The following PVT1 variants were observed in gnomAD, a reference collection of about 807,000 sequenced individuals.
The protein encoded by PVT1 is Pvt1 oncogene.
intron 3 of PVT1, among the ~76,000 whole-genome samples, chr8:127,953,275 CTGCAACCTCCCTG>C (rs1475136275): frequency 1.3e-5 from 2 of 152,164 alleles, no homozygotes; most frequent in African/African-American, 4.8e-5. Context: ...GATCACCCTA[CTGCAACCTCCCTG>C]TGCAGGAATG....
At chr8:127,912,984 C>T (rs766493441) in intron 3 of PVT1, among the ~76,000 whole-genome samples, 1 of 152,200 alleles carries the variant, frequency 6.6e-6, no homozygotes, top group Non-Finnish European at 1.5e-5. Flanking sequence ...AGGCGTGAGC[C>T]ACGCCCACCC....
chr8:127,997,945 G>T (rs1817126264), intron 4 of PVT1, among the ~76,000 whole-genome samples: 1 of 152,110 alleles, frequency 6.6e-6, no homozygotes, highest in South Asian at 2.1e-4. Context: ...AGTTTTGACT[G>T]GTCAGGTATT....
chr8:128,042,036 C>T lies in PVT1; in HGVS notation n.913-28124C>T, dbSNP rs117074991. Among the ~76,000 whole-genome samples the T allele has an allele frequency of 3.9e-3, 590 of 152,306 alleles. 3 individuals carry two copies. The highest frequency in any genetic ancestry group is 5.0e-3 in the Non-Finnish European group (341 of 68,024). ...TTTCAGTTCCCCTAACCTCCAGTCT[C>T]TTGAAGCCATTTAGCATCTCTTGGT... On this transcript the variant is annotated intron_variant and non_coding_transcript_variant, in intron 4 of 10. Transcript: ENST00000651587.
intron 2 of PVT1, among the ~76,000 whole-genome samples, chr8:127,875,113 G>A (rs1470874103): frequency 6.6e-6 from 1 of 152,156 alleles, no homozygotes; most frequent in African/African-American, 2.4e-5. Flanking sequence ...TATGGTGTTT[G>A]GGGGAGAAAT....
At chr8:127,904,685 G>A (rs1815799322) in intron 3 of PVT1, among the ~76,000 whole-genome samples, 1 of 152,236 alleles carries the variant, frequency 6.6e-6, no homozygotes, top group African/African-American at 2.4e-5. Flanking sequence ...TTTGGCAACT[G>A]TGAGGCAGGC....
At chr8:127,855,978 C>G (rs1815156004) in intron 2 of PVT1, among the ~76,000 whole-genome samples, 1 of 152,150 alleles carries the variant, frequency 6.6e-6, no homozygotes, top group Non-Finnish European at 1.5e-5. Flanking sequence ...CCTGACGTTG[C>G]CATTTATATT....
chr8:127,817,489 G>GTATATATATATATATATATATA (rs1490929524), intron 2 of PVT1, among the ~76,000 whole-genome samples: 1 of 124,024 alleles, frequency 8.1e-6, no homozygotes, highest in African/African-American at 3.4e-5. Context: ...GTGTGTGTGT[G>GTATATATATATATATATATATA]TGTATATACA....
chr8:127,951,151 C>T (rs1373455902), intron 3 of PVT1, among the ~76,000 whole-genome samples: 1 of 152,240 alleles, frequency 6.6e-6, no homozygotes, highest in Non-Finnish European at 1.5e-5. Flanking sequence ...CTGCCTCAGC[C>T]TCCCAAAGTG....
intron 5 of PVT1, among the ~76,000 whole-genome samples, chr8:128,087,356 C>T (rs552121723): frequency 6.6e-6 from 1 of 152,278 alleles, no homozygotes; most frequent in South Asian, 2.1e-4. Context: ...TAATTTTCCA[C>T]TCATTTGTGC....
At chr8:127,955,915 C>T (rs895330491) in intron 3 of PVT1, among the ~76,000 whole-genome samples, 4 of 152,176 alleles carry the variant, frequency 2.6e-5, no homozygotes, top group African/African-American at 9.7e-5. Context: ...AAATAAAAAG[C>T]CAAGCTCCAA....
At chr8:128,087,905 C>T (rs1033078428) in intron 5 of PVT1, among the ~76,000 whole-genome samples, 5 of 151,844 alleles carry the variant, frequency 3.3e-5, no homozygotes, top group Non-Finnish European at 5.9e-5. Context: ...ATTGCAGACA[C>T]GTGCCACCAC....
intron 6 of PVT1, among the ~76,000 whole-genome samples, chr8:128,096,926 C>T (rs1442650790): frequency 1.3e-5 from 2 of 152,194 alleles, no homozygotes; most frequent in Non-Finnish European, 1.5e-5. Context: ...CTCCACCCCA[C>T]CCAGGCCCCC....
At chr8:127,832,625 A>G (rs547704801) in intron 2 of PVT1, among the ~76,000 whole-genome samples, 12 of 152,220 alleles carry the variant, frequency 7.9e-5, no homozygotes, top group South Asian at 6.2e-4. Context: ...TTGGGAGGCC[A>G]AGGCGGGCGG....
chr8:127,944,985 C>A (rs1211428429), intron 3 of PVT1, among the ~76,000 whole-genome samples: 1 of 152,116 alleles, frequency 6.6e-6, no homozygotes, highest in East Asian at 1.9e-4. Flanking sequence ...GTCTGACCCT[C>A]TTTTTTCATA....
intron 2 of PVT1, among the ~76,000 whole-genome samples, chr8:127,831,134 T>C (rs151294473): frequency 1.5e-3 from 175 of 116,026 alleles, no homozygotes; most frequent in African/African-American, 6.4e-3. Flanking sequence ...TCTATATCTA[T>C]ATCTATCTCT....
chr8:128,007,435 A>C (rs930548086), intron 4 of PVT1, among the ~76,000 whole-genome samples: 1 of 152,154 alleles, frequency 6.6e-6, no homozygotes, highest in Non-Finnish European at 1.5e-5. Flanking sequence ...ACTAAAAAAA[A>C]AAAACCTAAA....
chr8:127,800,523 ACTATGTAGTGGTAGTTG>A (rs1447564754), intron 2 of PVT1, among the ~76,000 whole-genome samples: 3 of 152,210 alleles, frequency 2.0e-5, no homozygotes, highest in African/African-American at 7.2e-5. Context: ...CATAGTAGTT[ACTATGTAGTGGTAGTTG>A]CTATGTTTAT....
intron 4 of PVT1, among the ~76,000 whole-genome samples, chr8:128,023,329 T>C (rs765067613): frequency 1.3e-5 from 2 of 152,112 alleles, no homozygotes; most frequent in African/African-American, 2.4e-5. Context: ...CCAACCTAGA[T>C]CAGTTGACAG....
intron 3 of PVT1, among the ~76,000 whole-genome samples, chr8:127,936,034 CTTTT>C (rs937905808): frequency 7.9e-5 from 8 of 101,250 alleles, no homozygotes; most frequent in East Asian, 5.7e-4. Flanking sequence ...CTCTCTCTCT[CTTTT>C]TTTTTTTTTT....
Sources: allele counts gnomAD v4.1 joint callset (sites outside exome capture counted in the v4.1 genomes callset), GRCh38; gene constraint gnomAD v4.1.1; transcripts MANE v1.5; gene names NCBI Gene and HGNC (gene_info 2026-07-23, HGNC 2026-07-21).